The following NCOR1 variants were observed in gnomAD, a reference collection of about 807,000 sequenced individuals.
The protein encoded by NCOR1 is protein phosphatase 1, regulatory subunit 109.
In NCOR1, 63 loss-of-function variants were observed where a neutral mutation model predicts 288.1. That is an observed-to-expected ratio of 0.22 (90% CI 0.18 to 0.27). NCOR1 has a LOEUF of 0.27. Ranked by LOEUF, NCOR1 falls within the 10% of genes least tolerant of loss-of-function variation. The pLI, the probability that NCOR1 is intolerant of heterozygous loss-of-function variation, is 1.00. For missense variants in NCOR1, 2,397 were observed against 3,019.2 expected, an observed-to-expected ratio of 0.79 and a Z score of 4.83; for synonymous variants, 1,007 against 1,065.9, an observed-to-expected ratio of 0.94 and a Z score of 1.08.
intron 18 of NCOR1, among the ~76,000 whole-genome samples, chr17:16,113,004 G>T (rs1311195543): frequency 2.0e-5 from 3 of 152,056 alleles, no homozygotes; most frequent in Non-Finnish European, 4.4e-5. Context: ...TCTGCCTCCT[G>T]GGTTCACACC....
intron 18 of NCOR1, among the ~76,000 whole-genome samples, chr17:16,117,650 C>T (rs1598874567): frequency 6.6e-6 from 1 of 152,108 alleles, no homozygotes; most frequent in East Asian, 1.9e-4. Flanking sequence ...TGGTGAAACA[C>T]TGTCTCTACT....
intron 1 of NCOR1, among the ~76,000 whole-genome samples, chr17:16,194,989 TAAGTC>T (rs2089447178): frequency 6.6e-6 from 1 of 152,208 alleles, no homozygotes; most frequent in Non-Finnish European, 1.5e-5. Flanking sequence ...TGGGAGTTGA[TAAGTC>T]AATTGCGAAA....
At chr17:16,067,759 T>G (rs1035241746) in intron 32 of NCOR1, 135 bp downstream of exon 32, 3 of 846,032 alleles carry the variant, frequency 3.5e-6, no homozygotes, top group Non-Finnish European at 5.2e-6. Context: ...TGGGAGAATT[T>G]AGTTTGTGAA....
At chr17:16,107,085 C>G (rs1464123746) in intron 19 of NCOR1, among the ~76,000 whole-genome samples, 1 of 150,948 alleles carries the variant, frequency 6.6e-6, no homozygotes, top group Non-Finnish European at 1.5e-5. Flanking sequence ...TTAGTAGAGA[C>G]GGGGTTTCAC....
intron 28 of NCOR1, among the ~76,000 whole-genome samples, chr17:16,072,863 T>C (rs1343214433): frequency 6.6e-6 from 1 of 152,140 alleles, no homozygotes; most frequent in African/African-American, 2.4e-5. Flanking sequence ...AGTGGGCCAT[T>C]AACAAAACAA....
At chr17:16,074,628 G>A (rs150427494) in intron 27 of NCOR1, among the ~76,000 whole-genome samples, 2,873 of 152,246 alleles carry the variant, frequency 0.019, 35 homozygotes, top group Non-Finnish European at 0.028. Flanking sequence ...CTTTGTATTG[G>A]AAGAGAAAGC....
chr17:16,073,602 G>A (rs539204015), intron 27 of NCOR1, 33 bp from the exon 28 acceptor site: 13 of 1,548,452 alleles, frequency 8.4e-6, no homozygotes, highest in Admixed American at 2.0e-5. Flanking sequence ...TTGCTCAGAC[G>A]GAGCACATGG....
intron 3 of NCOR1, among the ~76,000 whole-genome samples, chr17:16,181,211 A>ATGTATGTGTGTGTGTGTG (rs758395387): frequency 6.4e-5 from 9 of 139,580 alleles, no homozygotes; most frequent in South Asian, 2.4e-4. Context: ...ATATATATGT[A>ATGTATGTGTGTGTGTGTG]TGTGTGTGTG....
At chr17:16,180,551 G>C (rs2085188194) in intron 3 of NCOR1, among the ~76,000 whole-genome samples, 1 of 152,018 alleles carries the variant, frequency 6.6e-6, no homozygotes, top group African/African-American at 2.4e-5. Flanking sequence ...AGGAGTTGGA[G>C]ACCAGCCTGG....
At chr17:16,050,319 T>C (rs1227958456) in intron 40 of NCOR1, among the ~76,000 whole-genome samples, 2 of 151,932 alleles carry the variant, frequency 1.3e-5, no homozygotes, top group Admixed American at 6.6e-5. Context: ...ACCTCCCAGG[T>C]TGAAAGGATT....
At position 16,189,258 on chromosome 17, in the gene NCOR1, G is replaced by A. The variant is rs147012314; in HGVS notation, c.109-2571C>T. Among the ~76,000 whole-genome samples the A allele has an allele frequency of 4.3e-3, 657 of 152,148 alleles. 3 individuals carry two copies. Among genetic ancestry groups the A allele is most frequent in the Non-Finnish European group, 5.8e-3 (394 of 68,010 alleles). On this transcript the variant is annotated intron_variant, in intron 2 of 45. Coordinates refer to ENST00000268712, the MANE Select transcript of NCOR1 (RefSeq NM_006311.4). ...AAATTACAAAAATTAGCCAGGCGTGGTGGCACATGTCTGTGGTCCCAGCTA... is the reference window on the plus strand; with the variant it reads ...AAATTACAAAAATTAGCCAGGCGTGATGGCACATGTCTGTGGTCCCAGCTA...
At chr17:16,146,646 C>A (rs1020375110) in intron 9 of NCOR1, 98 bp from the exon 10 acceptor site, 30 of 1,126,140 alleles carry the variant, frequency 2.7e-5, no homozygotes, top group Non-Finnish European at 4.8e-6. Context: ...AAGGTTAAGT[C>A]AGAAGTACAT....
chr17:16,064,534 TGGAG>T (rs1188479749), intron 34 of NCOR1, among the ~76,000 whole-genome samples: 3 of 151,628 alleles, frequency 2.0e-5, no homozygotes, highest in Non-Finnish European at 4.4e-5. Flanking sequence ...ACCTGGGAGA[TGGAG>T]GTTGCAGTGA....
At chr17:16,086,138 T>C in intron 23 of NCOR1, 144 bp downstream of exon 23, 1 of 945,844 alleles carries the variant, frequency 1.1e-6, no homozygotes. Context: ...GACTGCTGCA[T>C]CTTCTGGTCA....
rs2153347356 is a variant in NCOR1 at position 16,146,320 on chromosome 17, GAAAC to G, written c.1082+52_1082+55del. On this transcript the variant is annotated intron_variant, in intron 10 of 45. Transcript: ENST00000268712. ...ATACTAAAAAAATTTTTAAAAAAAA[GAAAC>G]AATAAATATTTGAAGAAAAATATCA... The G allele has an allele frequency of 5.4e-6, 8 of 1,492,094 alleles. No individual in the cohort carries two copies. The South Asian group carries it at 9.8e-5, about 18-fold the overall frequency. The allele number at this position is 1,492,094 out of a possible 1,614,324, so 92.4% of individuals were successfully genotyped here.
intron 42 of NCOR1, among the ~76,000 whole-genome samples, chr17:16,045,452 C>G (rs1356932136): frequency 1.3e-5 from 2 of 152,200 alleles, no homozygotes; most frequent in Non-Finnish European, 2.9e-5. Context: ...GAGCCTACCA[C>G]ATAGTACGCT....
intron 2 of NCOR1, among the ~76,000 whole-genome samples, chr17:16,193,056 G>A (rs2088876507): frequency 1.3e-5 from 2 of 152,162 alleles, no homozygotes; most frequent in African/African-American, 4.8e-5. Flanking sequence ...ACGGGTGGGT[G>A]CCAAGGAGGA....
chr17:16,080,808 C>A (rs1425139206), intron 23 of NCOR1, 81 bp from the exon 24 acceptor site: 3 of 1,335,708 alleles, frequency 2.2e-6, no homozygotes, highest in Admixed American at 5.3e-5. Flanking sequence ...AGTCAGCATT[C>A]CCATTTCTGT....
intron 3 of NCOR1, 54 bp from the exon 4 acceptor site, chr17:16,172,049 C>T (rs2083232343): frequency 2.9e-6 from 4 of 1,360,654 alleles, no homozygotes; most frequent in Non-Finnish European, 4.0e-6. Context: ...ATGTACAACT[C>T]CCTGGTAACA....
Sources: gnomAD v4.1 joint callset for allele counts (sites outside exome capture counted in the v4.1 genomes callset) on GRCh38, gnomAD v4.1.1 for gene constraint, MANE v1.5 for transcripts, NCBI Gene and HGNC (gene_info 2026-07-23, HGNC 2026-07-21) for gene names.